ZMAT4: variants seen among roughly 807,000 people sequenced by gnomAD.
ZMAT4 encodes the protein zinc finger matrin-type 4.
Under a neutral mutation model 28.7 loss-of-function variants are expected in ZMAT4, and 17 were observed. The ratio of observed to expected loss-of-function variants is 0.59; its 90% confidence interval spans 0.41 to 0.89. ZMAT4 has a LOEUF of 0.89. ZMAT4 is among the 40% of genes least tolerant of loss of function. The pLI, the probability that ZMAT4 is intolerant of heterozygous loss-of-function variation, is 0.00. For synonymous variants in ZMAT4, 117 were observed against 109.2 expected (o/e 1.07, Z -0.44); for missense variants, 240 against 283.8 (o/e 0.85, Z 1.11).
intron 3 of ZMAT4, among the ~76,000 whole-genome samples, chr8:40,754,511 A>G (rs962814127): frequency 2.6e-5 from 4 of 152,234 alleles, no homozygotes; most frequent in African/African-American, 9.6e-5. Context: ...GCAATATGCC[A>G]TATGTTTCCA....
intron 1 of ZMAT4, among the ~76,000 whole-genome samples, chr8:40,862,205 T>G (rs768322633): frequency 2.0e-5 from 3 of 152,020 alleles, no homozygotes; most frequent in African/African-American, 7.2e-5. Context: ...ATTAAGAAAA[T>G]TTGGCACATA....
In ZMAT4 at chr8:40,578,909, G is replaced by A. The variant is rs563231878; in HGVS notation, c.674+2256C>T. ...TGGCTCCCATTCCAAGCCTAAGTTC[G>A]TGTTAACTGAATGACATGGAGTAAG... On this transcript the variant is annotated intron_variant, in intron 6 of 6. Transcript: ENST00000297737. Among the ~76,000 whole-genome samples, 13 of 152,254 alleles carry A rather than the reference G, an allele frequency of 8.5e-5. No homozygotes were observed. The South Asian group carries it at 1.0e-3, about 12-fold the overall frequency.
chr8:40,549,865 G>A (rs1486520562), intron 6 of ZMAT4, among the ~76,000 whole-genome samples: 1 of 152,136 alleles, frequency 6.6e-6, no homozygotes, highest in East Asian at 1.9e-4. Context: ...AGAGTCTAAT[G>A]TACTGAGAAT....
intron 1 of ZMAT4, among the ~76,000 whole-genome samples, chr8:40,869,615 T>C (rs370400167): frequency 1.3e-5 from 2 of 152,238 alleles, no homozygotes; most frequent in African/African-American, 2.4e-5. Flanking sequence ...GCAGGGATTT[T>C]ACCACGTCCA....
chr8:40,608,072 C>A (rs1215433098), intron 5 of ZMAT4, among the ~76,000 whole-genome samples: 1 of 152,100 alleles, frequency 6.6e-6, no homozygotes, highest in African/African-American at 2.4e-5. Context: ...AGGATACAAG[C>A]TTGTCCTAGG....
In ZMAT4 at chr8:40,671,796, A is replaced by G. The variant is rs572755502; in HGVS notation, c.577+2908T>C. Among the ~76,000 whole-genome samples, 231 of 152,336 alleles carry G rather than the reference A, an allele frequency of 1.5e-3. 1 individual carries two copies. In the South Asian group the frequency reaches 0.016, roughly 11 times the overall value. ...ATGTAATATCTCTGCATTTCACTATACATATAATATGCATCATTTTAAAAA... is the reference window on the plus strand; with the variant it reads ...ATGTAATATCTCTGCATTTCACTATGCATATAATATGCATCATTTTAAAAA... On this transcript the variant is annotated intron_variant, in intron 5 of 6. Transcript: ENST00000297737.
At chr8:40,827,410 G>T (rs1816102164) in intron 1 of ZMAT4, among the ~76,000 whole-genome samples, 1 of 152,174 alleles carries the variant, frequency 6.6e-6, no homozygotes. Flanking sequence ...ATGCAACAGT[G>T]AACTGTGTAA....
intron 2 of ZMAT4, among the ~76,000 whole-genome samples, chr8:40,779,722 G>A (rs1813752259): frequency 1.3e-5 from 2 of 152,222 alleles, no homozygotes; most frequent in African/African-American, 2.4e-5. Flanking sequence ...TAAAAATTGC[G>A]GCTTTCCTTT....
chr8:40,663,667 A>C (rs1296941174), intron 5 of ZMAT4, among the ~76,000 whole-genome samples: 1 of 152,232 alleles, frequency 6.6e-6, no homozygotes, highest in African/African-American at 2.4e-5. Flanking sequence ...GATCAGAGTG[A>C]GTCTACATAG....
intron 5 of ZMAT4, among the ~76,000 whole-genome samples, chr8:40,620,538 G>T (rs1297110450): frequency 2.0e-5 from 3 of 152,140 alleles, no homozygotes; most frequent in Non-Finnish European, 4.4e-5. Context: ...CAAATATTTT[G>T]TTCAAAGGGA....
In ZMAT4 at chr8:40,581,300, C is replaced by G. The variant is rs546720771; in HGVS notation, c.578-39G>C. 2.7e-5 allele frequency: 42 copies of G among 1,544,818 alleles called. 1 individual carries two copies. The South Asian group carries it at 4.7e-4, about 17-fold the overall frequency. On this transcript the variant is annotated intron_variant, in intron 5 of 6. Transcript: ENST00000297737. Reference sequence around the variant, plus strand: ...ACAGACCTGGTTAGCTGCATCCAGTCGTCAACCACCTGAAATGAATCCTAG... The same window carrying G: ...ACAGACCTGGTTAGCTGCATCCAGTGGTCAACCACCTGAAATGAATCCTAG...
At chr8:40,810,902 T>A (rs1391273565) in intron 2 of ZMAT4, among the ~76,000 whole-genome samples, 1 of 152,128 alleles carries the variant, frequency 6.6e-6, no homozygotes, top group African/African-American at 2.4e-5. Flanking sequence ...TGAAATCATT[T>A]AAAAAGTATG....
intron 6 of ZMAT4, among the ~76,000 whole-genome samples, chr8:40,548,620 T>A (rs1477969869): frequency 6.6e-6 from 1 of 152,194 alleles, no homozygotes; most frequent in African/African-American, 2.4e-5. Flanking sequence ...AGTCAGATAA[T>A]GTCTCACCAT....
chr8:40,655,927 A>G (rs1374333878), intron 5 of ZMAT4, among the ~76,000 whole-genome samples: 1 of 152,100 alleles, frequency 6.6e-6, no homozygotes, highest in Non-Finnish European at 1.5e-5. Context: ...AAAAATGCAA[A>G]CAACAACAAC....
chr8:40,895,467 T>C (rs1340847452), intron 1 of ZMAT4, among the ~76,000 whole-genome samples: 1 of 152,186 alleles, frequency 6.6e-6, no homozygotes, highest in Admixed American at 6.5e-5. Context: ...GTCAATTATT[T>C]TTCAGCTCCT....
chr8:40,679,993 G>A (rs1809085960), intron 4 of ZMAT4, among the ~76,000 whole-genome samples: 2 of 152,140 alleles, frequency 1.3e-5, no homozygotes, highest in South Asian at 2.1e-4. Flanking sequence ...GCTAAGTCCT[G>A]TGCCAGTCAA....
intron 5 of ZMAT4, among the ~76,000 whole-genome samples, chr8:40,644,225 T>C (rs964123230): frequency 2.0e-5 from 3 of 152,114 alleles, no homozygotes; most frequent in African/African-American, 7.2e-5. Flanking sequence ...GAGAAAATCA[T>C]TTAACCTAAG....
intron 1 of ZMAT4, among the ~76,000 whole-genome samples, chr8:40,828,146 T>G (rs776367745): frequency 3.0e-4 from 45 of 152,224 alleles, no homozygotes; most frequent in Non-Finnish European, 2.9e-4. Context: ...AATATCATAG[T>G]CATTTGTAAT....
intron 5 of ZMAT4, among the ~76,000 whole-genome samples, chr8:40,641,791 T>G (rs1054231106): frequency 1.3e-5 from 2 of 152,232 alleles, no homozygotes; most frequent in African/African-American, 4.8e-5. Flanking sequence ...TTTTTAAGTT[T>G]AGGCACTCTG....
Sources: gnomAD v4.1 joint callset for allele counts (sites outside exome capture counted in the v4.1 genomes callset) on GRCh38, gnomAD v4.1.1 for gene constraint, MANE v1.5 for transcripts, NCBI Gene and HGNC (gene_info 2026-07-23, HGNC 2026-07-21) for gene names.